The following DNAJC1 variants were observed in gnomAD, a reference collection of about 807,000 sequenced individuals.
DNAJC1 encodes dnaJ homolog subfamily C member 1.
Under a neutral mutation model 76.6 loss-of-function variants are expected in DNAJC1, and 58 were observed. The observed-to-expected ratio is 0.76, with a 90% CI of 0.61 to 0.94. The LOEUF is 0.94. Ranked by LOEUF, DNAJC1 falls within the 40% of genes least tolerant of loss-of-function variation. The pLI, the probability that DNAJC1 is intolerant of heterozygous loss-of-function variation, is 0.00. For synonymous variants in DNAJC1, 258 were observed against 267.9 expected (o/e 0.96, Z 0.36); for missense variants, 689 against 677.3 (o/e 1.02, Z -0.19).
chr10:21,788,304 C>G (rs1008237389), intron 9 of DNAJC1, among the ~76,000 whole-genome samples: 1 of 152,214 alleles, frequency 6.6e-6, no homozygotes, highest in Non-Finnish European at 1.5e-5. Flanking sequence ...GCTGCCTGGG[C>G]AGTCACACCC....
At chr10:21,910,083 G>C (rs1739151939) in intron 6 of DNAJC1, among the ~76,000 whole-genome samples, 1 of 152,028 alleles carries the variant, frequency 6.6e-6, no homozygotes, top group African/African-American at 2.4e-5. Context: ...AGATTAGTAA[G>C]CTGTGAGATA....
chr10:21,773,023 G>C (rs1034855194), intron 9 of DNAJC1, among the ~76,000 whole-genome samples: 3 of 152,064 alleles, frequency 2.0e-5, no homozygotes. Flanking sequence ...CCCGAGAACA[G>C]CACCAAAGGG....
At chr10:21,914,044 T>G (rs2131759728) in intron 6 of DNAJC1, among the ~76,000 whole-genome samples, 1 of 152,284 alleles carries the variant, frequency 6.6e-6, no homozygotes, top group African/African-American at 2.4e-5. Flanking sequence ...CATTCATCAA[T>G]TTACAAACAC....
chr10:21,840,181 A>T (rs1164136992), intron 8 of DNAJC1, among the ~76,000 whole-genome samples: 1 of 152,200 alleles, frequency 6.6e-6, no homozygotes, highest in African/African-American at 2.4e-5. Context: ...ATTCCCTTTG[A>T]AAACTGGCAC....
At chr10:21,765,631 G>T (rs371441912) in intron 10 of DNAJC1, among the ~76,000 whole-genome samples, 2 of 152,280 alleles carry the variant, frequency 1.3e-5, no homozygotes, top group East Asian at 3.9e-4. Flanking sequence ...AGGATCAAGA[G>T]GTCAGGAGTT....
chr10:21,956,370 C>A (rs2666757), intron 1 of DNAJC1, among the ~76,000 whole-genome samples: 117,290 of 152,024 alleles, frequency 0.77, 46,124 homozygotes, highest in East Asian at 0.99. Flanking sequence ...CATAAACTTT[C>A]GGAAATACAT....
intron 8 of DNAJC1, among the ~76,000 whole-genome samples, chr10:21,822,823 C>G (rs1444887900): frequency 6.6e-6 from 1 of 151,392 alleles, no homozygotes; most frequent in Non-Finnish European, 1.5e-5. Context: ...CATGACAAGG[C>G]TTGAAAATTC....
At chr10:21,910,829 AAGGAGAGGAGAGGAGAGGAGAGGAG>A (rs71393924) in intron 6 of DNAJC1, among the ~76,000 whole-genome samples, 125 of 48,928 alleles carry the variant, frequency 2.6e-3, no homozygotes, top group Admixed American at 0.012. Flanking sequence ...GAAAGAAAGG[AAGGAGAGGAGAGGAGAGGAGAGGAG>A]AGGAGAGGAG....
At chr10:21,849,490 T>A (rs796780681) in intron 8 of DNAJC1, among the ~76,000 whole-genome samples, 4,357 of 151,686 alleles carry the variant, frequency 0.029, 97 homozygotes, top group Middle Eastern at 0.065. Context: ...GTCATTTTTT[T>A]AAAAAGACAA....
chr10:21,890,177 T>TG lies in DNAJC1; in HGVS notation c.821-7739dup, dbSNP rs72513867. Among the ~76,000 whole-genome samples, 258 of 56,444 alleles carry TG rather than the reference T, an allele frequency of 4.6e-3. No individual in the cohort carries two copies. The East Asian group carries it at 0.053, about 12-fold the overall frequency. The allele number at this position is 56,444 out of a possible 152,430, so 37.0% of individuals were successfully genotyped here. Reference sequence around the variant, plus strand: ...CTGTAATCTCAGCACTTTGGGAGGCTGGGGGGGGGTGGATGACCTGAGGTC... The same window carrying TG: ...CTGTAATCTCAGCACTTTGGGAGGCTGGGGGGGGGGTGGATGACCTGAGGTC... On this transcript the variant is annotated intron_variant, in intron 7 of 11. Transcript: ENST00000376980.
chr10:21,793,223 T>A (rs377401511), intron 9 of DNAJC1, among the ~76,000 whole-genome samples: 46 of 152,206 alleles, frequency 3.0e-4, no homozygotes, highest in African/African-American at 1.0e-3. Flanking sequence ...GGAGAATCAC[T>A]TGAACCCGGG....
chr10:21,836,483 A>G lies in DNAJC1; in HGVS notation c.979-30384T>C, dbSNP rs534136059. Reference sequence around the variant, plus strand: ...ATCTAATTCACACATAAAAATATTAACCTGAAATGTAAATAGGCTAAATGC... The same window carrying G: ...ATCTAATTCACACATAAAAATATTAGCCTGAAATGTAAATAGGCTAAATGC... On this transcript the variant is annotated intron_variant, in intron 8 of 11. Coordinates refer to ENST00000376980, the MANE Select transcript of DNAJC1 (RefSeq NM_022365.4). Among the ~76,000 whole-genome samples, 24 of 152,330 alleles carry G rather than the reference A, an allele frequency of 1.6e-4. No individual in the cohort carries two copies. The South Asian group carries it at 3.7e-3, about 24-fold the overall frequency.
chr10:21,773,806 T>A (rs1834420656), intron 9 of DNAJC1, among the ~76,000 whole-genome samples: 1 of 150,304 alleles, frequency 6.7e-6, no homozygotes, highest in African/African-American at 2.4e-5. Flanking sequence ...TTTATTAATT[T>A]TTTTTTTTTT....
chr10:21,867,191 T>A (rs999401559), intron 8 of DNAJC1, among the ~76,000 whole-genome samples: 1 of 151,860 alleles, frequency 6.6e-6, no homozygotes, highest in African/African-American at 2.4e-5. Context: ...AAGCATACAA[T>A]ATACAGACTC....
intron 1 of DNAJC1, among the ~76,000 whole-genome samples, chr10:21,963,195 TCTCA>T (rs1375545600): frequency 6.6e-6 from 1 of 152,236 alleles, no homozygotes; most frequent in Non-Finnish European, 1.5e-5. Flanking sequence ...TATGCATATG[TCTCA>T]CTAACTACAG....
intron 11 of DNAJC1, among the ~76,000 whole-genome samples, chr10:21,758,462 C>T (rs913259960): frequency 2.1e-4 from 32 of 152,340 alleles, no homozygotes; most frequent in African/African-American, 7.5e-4. Context: ...AGGGCACTCC[C>T]GCCCCCTCCT....
intron 1 of DNAJC1, among the ~76,000 whole-genome samples, chr10:21,979,488 GT>G (rs1838117790): frequency 1.3e-5 from 2 of 152,098 alleles, no homozygotes; most frequent in African/African-American, 4.8e-5. Context: ...ATTTTCATGA[GT>G]GCTTATAAGG....
intron 6 of DNAJC1, 23 bp from the exon 7 acceptor site, chr10:21,904,635 AAATT>A (rs1836714037): frequency 7.0e-7 from 1 of 1,424,722 alleles, no homozygotes; most frequent in African/African-American, 1.4e-5. Context: ...AGTTATACAT[AAATT>A]AACATAAAAA....
intron 8 of DNAJC1, among the ~76,000 whole-genome samples, chr10:21,817,016 CG>C (rs1564796185): frequency 6.7e-6 from 1 of 149,356 alleles, no homozygotes; most frequent in East Asian, 2.0e-4. Flanking sequence ...AAAAATTAGC[CG>C]GGCGTGGTGG....
Sources: allele counts gnomAD v4.1 joint callset (sites outside exome capture counted in the v4.1 genomes callset), GRCh38; gene constraint gnomAD v4.1.1; transcripts MANE v1.5; gene names NCBI Gene and HGNC (gene_info 2026-07-23, HGNC 2026-07-21).